DYSF: variants seen among roughly 807,000 people sequenced by gnomAD.
DYSF encodes dysferlin.
Under a neutral mutation model 274.9 loss-of-function variants are expected in DYSF, and 212 were observed. The ratio of observed to expected loss-of-function variants is 0.77; its 90% CI spans 0.69 to 0.86. The LOEUF (loss-of-function observed/expected upper bound fraction) is 0.86, where lower values mean the gene tolerates loss of function less well. Among genes scored for constraint, DYSF ranks in the 40% least tolerant of loss-of-function variants. DYSF has a pLI of 0.00. For synonymous variants in DYSF, 1,091 were observed against 1,078.7 expected, an observed-to-expected ratio of 1.01 and a Z score of -0.22; for missense variants, 2,666 against 2,783.2, an observed-to-expected ratio of 0.96 and a Z score of 0.95.
chr2:71,502,269 A>C (rs778942124), intron 3 of DYSF, among the ~76,000 whole-genome samples: 5 of 152,142 alleles, frequency 3.3e-5, no homozygotes, highest in Non-Finnish European at 7.4e-5. Context: ...AGACCAGAAA[A>C]GGGATGAGCC....
At chr2:71,501,695 T>C (rs770352654) in intron 3 of DYSF, among the ~76,000 whole-genome samples, 4 of 152,242 alleles carry the variant, frequency 2.6e-5, no homozygotes, top group Non-Finnish European at 4.4e-5. Context: ...CTTTGCGGAA[T>C]GTCTCCAAGG....
chr2:71,481,077 C>T (rs555621140), intron 2 of DYSF, 139 bp downstream of exon 2: 121 of 846,446 alleles, frequency 1.4e-4, no homozygotes, highest in Non-Finnish European at 2.1e-4. Context: ...AGCCTGCCAA[C>T]GAAATCCTTC....
chr2:71,520,134 T>G (rs768707601), intron 10 of DYSF, 44 bp from the exon 11 acceptor site: 6 of 1,613,766 alleles, frequency 3.7e-6, no homozygotes. Context: ...ATTTAACGCT[T>G]TGGCGGCAAG....
rs759748502 is a variant in DYSF at position 71,517,003 on chromosome 2, T to C, written c.966T>C (p.Arg322=). 3 of 1,614,204 alleles carry C rather than the reference T, an allele frequency of 1.9e-6. No individual in the cohort carries two copies. The highest frequency in any genetic ancestry group is 2.2e-5 in the South Asian group (2 of 91,090). The change falls in exon 10 of 56, where the codon CGT becomes CGC. Residue 322 remains arginine (R), a synonymous_variant. Coordinates refer to ENST00000410020, the MANE Select transcript of DYSF (RefSeq NM_001130987.2). ...TTTCTCTGCAGGTGGTAGACTCTCG[T>C]TCTCTCAGGACAGATGCTCTCCTCG... ...EPIFITVVDS[R]SLRTDALLGE... is the part of the protein sequence containing the mutation.
At chr2:71,499,700 C>T (rs2084780429) in intron 3 of DYSF, among the ~76,000 whole-genome samples, 1 of 152,242 alleles carries the variant, frequency 6.6e-6, no homozygotes, top group Non-Finnish European at 1.5e-5. Flanking sequence ...TTGCCCATGC[C>T]AGTTCCTGCC....
chr2:71,576,006 G>A (rs1457105922), intron 30 of DYSF, among the ~76,000 whole-genome samples: 1 of 152,200 alleles, frequency 6.6e-6, no homozygotes, highest in Non-Finnish European at 1.5e-5. Flanking sequence ...AGCCCACAGC[G>A]CCACACTCTG....
At chr2:71,664,541 GC>G in intron 46 of DYSF, 103 bp downstream of exon 46, 1 of 1,427,656 alleles carries the variant, frequency 7.0e-7, no homozygotes, top group Non-Finnish European at 9.7e-7. Context: ...CCAGCCCTGG[GC>G]TTAGCACTTC....
chr2:71,472,849 T>A (rs1039231047), intron 1 of DYSF, among the ~76,000 whole-genome samples: 2 of 152,274 alleles, frequency 1.3e-5, no homozygotes, highest in African/African-American at 2.4e-5. Flanking sequence ...GCTCTTTATG[T>A]ATTGAGAATG....
intron 52 of DYSF, among the ~76,000 whole-genome samples, chr2:71,678,530 G>C (rs1350066474): frequency 6.6e-6 from 1 of 152,180 alleles, no homozygotes; most frequent in African/African-American, 2.4e-5. Context: ...GGGCGAAGGG[G>C]AGGGAGGAAT....
intron 32 of DYSF, 64 bp downstream of exon 32, chr2:71,590,352 G>C: frequency 6.3e-7 from 1 of 1,576,626 alleles, no homozygotes; most frequent in Admixed American, 1.7e-5. Context: ...GGAGACATCT[G>C]GCTTTCGGGC....
chr2:71,497,273 G>GT (rs138023936), intron 3 of DYSF, among the ~76,000 whole-genome samples: 8,043 of 152,248 alleles, frequency 0.053, 277 homozygotes, highest in African/African-American at 0.11. Flanking sequence ...AGAGGCTAGA[G>GT]TTTTTAAAGA....
At chr2:71,602,885 C>G (rs143574884) in intron 36 of DYSF, 80 bp downstream of exon 36, 6 of 1,539,000 alleles carry the variant, frequency 3.9e-6, no homozygotes, top group Non-Finnish European at 4.4e-6. Context: ...ACACCTGGAG[C>G]CTTCCAGGTT....
chr2:71,543,996 TCTTTTTTCC>T, intron 17 of DYSF, among the ~76,000 whole-genome samples: 1 of 151,254 alleles, frequency 6.6e-6, no homozygotes, highest in East Asian at 1.9e-4. Context: ...GCTCAAGCCT[TCTTTTTTCC>T]CTGTCACTCC....
At chr2:71,663,048 C>CATGTCTGTGTCCATGTGTCT (rs1553411904) in intron 45 of DYSF, among the ~76,000 whole-genome samples, 1 of 29,708 alleles carries the variant, frequency 3.4e-5, no homozygotes, top group Admixed American at 3.9e-4. Flanking sequence ...TGTGCGCGCA[C>CATGTCTGTGTCCATGTGTCT]GCGCGTGGTG....
intron 41 of DYSF, 144 bp downstream of exon 41, chr2:71,620,753 T>G: frequency 1.2e-6 from 1 of 846,280 alleles, no homozygotes; most frequent in Non-Finnish European, 1.9e-6. Context: ...CACCTATCTT[T>G]GCCTCACTGA....
chr2:71,526,167 A>G, intron 12 of DYSF, 53 bp from the exon 13 acceptor site: 1 of 1,614,000 alleles, frequency 6.2e-7, no homozygotes, highest in Non-Finnish European at 8.5e-7. Context: ...AAAGGAAAGT[A>G]AAACCCTGTG....
intron 3 of DYSF, among the ~76,000 whole-genome samples, chr2:71,498,387 A>G (rs2084629609): frequency 2.0e-5 from 3 of 152,210 alleles, no homozygotes. Flanking sequence ...AATCACAGGA[A>G]GTTGAGGCTG....
intron 1 of DYSF, among the ~76,000 whole-genome samples, chr2:71,479,058 G>A (rs1206634686): frequency 3.3e-5 from 5 of 152,044 alleles, no homozygotes; most frequent in Admixed American, 1.3e-4. Flanking sequence ...AGGGACTTTC[G>A]TGGTCCAGGC....
chr2:71,519,155 G>A (rs1374937244), intron 10 of DYSF, among the ~76,000 whole-genome samples: 1 of 150,550 alleles, frequency 6.6e-6, no homozygotes, highest in African/African-American at 2.4e-5. Flanking sequence ...TAGATCAGTG[G>A]GTGAGATTTC....
Sources: allele counts gnomAD v4.1 joint callset (sites outside exome capture counted in the v4.1 genomes callset), GRCh38; gene constraint gnomAD v4.1.1; transcripts MANE v1.5; gene names NCBI Gene and HGNC (gene_info 2026-07-23, HGNC 2026-07-21).